The following FUT9 variants were observed in gnomAD, a reference collection of about 807,000 sequenced individuals.
FUT9 encodes the protein 4-galactosyl-N-acetylglucosaminide 3-alpha-L-fucosyltransferase 9.
Under a neutral mutation model 29.7 loss-of-function variants are expected in FUT9, and 15 were observed. The ratio of observed to expected loss-of-function variants is 0.51; its 90% CI spans 0.34 to 0.78. The LOEUF (loss-of-function observed/expected upper bound fraction) is 0.78, where lower values mean the gene tolerates loss of function less well. FUT9 is among the 30% of genes least tolerant of loss of function. FUT9 has a pLI of 0.01. For synonymous variants in FUT9, 169 were observed against 153.7 expected, an observed-to-expected ratio of 1.10 and a Z score of -0.74; for missense variants, 319 against 425.4, an observed-to-expected ratio of 0.75 and a Z score of 2.20.
At chr6:96,102,260 T>C (rs773330538) in intron 1 of FUT9, among the ~76,000 whole-genome samples, 2 of 152,098 alleles carry the variant, frequency 1.3e-5, no homozygotes, top group Non-Finnish European at 2.9e-5. Flanking sequence ...ATTATAAACA[T>C]ATTTATTACA....
intron 2 of FUT9, among the ~76,000 whole-genome samples, chr6:96,148,911 T>G (rs1266584182): frequency 1.2e-4 from 19 of 152,098 alleles, no homozygotes; most frequent in Non-Finnish European, 2.8e-4. Flanking sequence ...TCCCAGCACT[T>G]TGGGAGGCAG....
intron 2 of FUT9, among the ~76,000 whole-genome samples, chr6:96,157,136 GCTAA>G (rs1432581252): frequency 3.3e-5 from 5 of 152,128 alleles, no homozygotes; most frequent in Admixed American, 6.5e-5. Context: ...GGCTAAAAAG[GCTAA>G]CTAAGATGTG....
At chr6:96,017,735 A>G (rs1225311311) in intron 1 of FUT9, among the ~76,000 whole-genome samples, 1 of 152,204 alleles carries the variant, frequency 6.6e-6, no homozygotes, top group Non-Finnish European at 1.5e-5. Flanking sequence ...CAGTGTGTCA[A>G]TATAAATTTC....
chr6:96,072,008 T>C (rs1170776118), intron 1 of FUT9, among the ~76,000 whole-genome samples: 1 of 152,202 alleles, frequency 6.6e-6, no homozygotes, highest in Non-Finnish European at 1.5e-5. Context: ...GAATTATTCT[T>C]TTTAATACTT....
intron 1 of FUT9, among the ~76,000 whole-genome samples, chr6:96,019,548 C>T (rs1343199392): frequency 6.6e-6 from 1 of 151,892 alleles, no homozygotes; most frequent in Non-Finnish European, 1.5e-5. Flanking sequence ...TAGCAGAACG[C>T]ATTCTTAGGA....
chr6:96,148,437 A>G (rs972612309), intron 2 of FUT9, among the ~76,000 whole-genome samples: 1 of 152,226 alleles, frequency 6.6e-6, no homozygotes, highest in African/African-American at 2.4e-5. Context: ...GCATCAAAAC[A>G]GATTCAGATT....
At chr6:96,191,359 G>A (rs1773505493) in intron 2 of FUT9, among the ~76,000 whole-genome samples, 1 of 152,056 alleles carries the variant, frequency 6.6e-6, no homozygotes, top group Non-Finnish European at 1.5e-5. Flanking sequence ...AGAAAAGAGA[G>A]AAGAATCAAA....
chr6:96,087,043 T>C (rs879481915), intron 1 of FUT9, among the ~76,000 whole-genome samples: 6 of 152,156 alleles, frequency 3.9e-5, no homozygotes, highest in Non-Finnish European at 7.3e-5. Flanking sequence ...GTTACGCATA[T>C]GGGTGAAGAC....
chr6:96,033,779 T>G (rs1413458107), intron 1 of FUT9, among the ~76,000 whole-genome samples: 1 of 151,696 alleles, frequency 6.6e-6, no homozygotes, highest in Non-Finnish European at 1.5e-5. Context: ...CAAACACATA[T>G]TTGTTCTTAT....
rs1173029979 is a variant in FUT9 at position 96,206,414 on chromosome 6, G to A, written c.*2179G>A. On this transcript the variant is annotated 3_prime_UTR_variant, in exon 3 of 3. Coordinates refer to ENST00000302103, the MANE Select transcript of FUT9 (RefSeq NM_006581.4). ...TTTTTTGGTCTATAAAAAGCATAGA[G>A]ATCTAAAGAGGATACACTGCTAACA... 1 of 166,994 alleles carries A rather than the reference G, an allele frequency of 6.0e-6. No individual in the cohort carries two copies. Among genetic ancestry groups the A allele is most frequent in the Non-Finnish European group, 1.5e-5 (1 of 68,100 alleles). The allele number at this position is 166,994 out of a possible 1,614,324, so 10.3% of individuals were successfully genotyped here. A position where few individuals can be genotyped will look rare whatever the true frequency, so the allele number is the denominator to read the frequency against.
intron 1 of FUT9, among the ~76,000 whole-genome samples, chr6:96,094,370 C>G (rs1364138153): frequency 6.6e-6 from 1 of 151,898 alleles, no homozygotes; most frequent in Non-Finnish European, 1.5e-5. Context: ...TAATAATGGC[C>G]CCAAAGCACA....
intron 2 of FUT9, among the ~76,000 whole-genome samples, chr6:96,141,512 G>T (rs150428291): frequency 3.9e-4 from 59 of 152,296 alleles, no homozygotes; most frequent in African/African-American, 1.4e-3. Flanking sequence ...CAAGAAAGTG[G>T]AGGGGTCCAG....
chr6:96,030,137 T>G (rs1359871135), intron 1 of FUT9, among the ~76,000 whole-genome samples: 3 of 151,522 alleles, frequency 2.0e-5, no homozygotes, highest in African/African-American at 4.8e-5. Flanking sequence ...CTCAAACAGT[T>G]TGACATAAAT....
chr6:96,038,780 C>T (rs1398542350), intron 1 of FUT9, among the ~76,000 whole-genome samples: 1 of 152,124 alleles, frequency 6.6e-6, no homozygotes, highest in Non-Finnish European at 1.5e-5. Context: ...TCACAAATCT[C>T]ATTTTTCACT....
chr6:96,069,372 G>A (rs1419438161), intron 1 of FUT9, among the ~76,000 whole-genome samples: 2 of 151,638 alleles, frequency 1.3e-5, no homozygotes, highest in Non-Finnish European at 2.9e-5. Flanking sequence ...AGAAATGAAT[G>A]AGATCTACAA....
intron 1 of FUT9, among the ~76,000 whole-genome samples, chr6:96,027,200 T>A (rs1394839841): frequency 6.6e-6 from 1 of 151,680 alleles, no homozygotes; most frequent in Non-Finnish European, 1.5e-5. Flanking sequence ...ATATCGCTTT[T>A]ATACTTTTAG....
chr6:96,096,709 T>TGTGTGTGTGTGTGTGTGTGTG (rs1771502263), intron 1 of FUT9, among the ~76,000 whole-genome samples: 1 of 151,824 alleles, frequency 6.6e-6, no homozygotes, highest in Admixed American at 6.6e-5. Flanking sequence ...TGTGTGTGTC[T>TGTGTGTGTGTGTGTGTGTGTG]TATTCTTTCA....
intron 1 of FUT9, among the ~76,000 whole-genome samples, chr6:96,048,254 G>A (rs902048462): frequency 2.0e-5 from 3 of 152,126 alleles, no homozygotes; most frequent in African/African-American, 7.2e-5. Flanking sequence ...AGTCTCTTTA[G>A]CCATATAAGG....
rs149732617 is a variant in FUT9 at position 96,201,359 on chromosome 6, G to C, written c.-8-1789G>C. On this transcript the variant is annotated intron_variant, in intron 2 of 2. Transcript: ENST00000302103. Reference sequence around the variant, plus strand: ...AAATCAACAATTATTTGCTATTTTTGGTATTACATTTGAATTTCTTTTTTC... The same window carrying C: ...AAATCAACAATTATTTGCTATTTTTCGTATTACATTTGAATTTCTTTTTTC... 7.4e-4 allele frequency among the ~76,000 whole-genome samples: 113 copies of C among 151,680 alleles called. 4 individuals carry two copies. In the East Asian group the frequency reaches 0.017, roughly 23 times the overall value.
Sources: allele counts gnomAD v4.1 joint callset (sites outside exome capture counted in the v4.1 genomes callset), GRCh38; gene constraint gnomAD v4.1.1; transcripts MANE v1.5; gene names NCBI Gene and HGNC (gene_info 2026-07-23, HGNC 2026-07-21).